Variants in GOLGB1 observed in about 807,000 individuals in gnomAD.
The protein encoded by GOLGB1 is golgin subfamily B member 1.
A neutral mutation model predicts 336.9 loss-of-function variants in GOLGB1; 174 were observed. The observed-to-expected ratio is 0.52, with a 90% CI of 0.46 to 0.59. The LOEUF is 0.59. Among genes scored for constraint, GOLGB1 ranks in the 20% least tolerant of loss-of-function variants. GOLGB1 has a pLI of 0.00. For missense variants in GOLGB1, 3,331 were observed against 3,645.3 expected, an observed-to-expected ratio of 0.91 and a Z score of 2.22; for synonymous variants, 1,208 against 1,289.2, an observed-to-expected ratio of 0.94 and a Z score of 1.35.
chr3:121,669,327 G>A lies in GOLGB1; in HGVS notation c.9206C>T (p.Thr3069Ile), dbSNP rs1322793814. 6.2e-7 allele frequency: 1 copy of A among 1,613,970 alleles called. No homozygotes were observed. Residue 3069 changes from threonine to isoleucine, a missense_variant, in exon 18 of 22, where the codon ACC (threonine) becomes ATC (isoleucine). Coordinates refer to ENST00000614479, the MANE Select transcript of GOLGB1 (RefSeq NM_001366282.2). ...NFSQLLEEKN[T>I]LSIQLCDTSQ... ...GGTATCGCAGAGCTGAATGGAAAGG[G>A]TGTTTTTCTCTTCCAGTAGCTGAGA...
intron 7 of GOLGB1, 122 bp downstream of exon 7, chr3:121,719,524 A>G (rs1945023511): frequency 5.2e-6 from 3 of 573,202 alleles, no homozygotes; most frequent in Non-Finnish European, 8.4e-6. Flanking sequence ...AGGACACAAA[A>G]GAGGCCAATA....
Position 121,695,286 on chromosome 3 carries a change from T to C in GOLGB1, c.5237A>G (p.Lys1746Arg). ...TTTCTCAGACATTAAAGACTGAAAC[T>C]TCTTAGAAAGGGTTTCATACTCCAT... ...VKMEYETLSKKFQSLMSEKDS... is the reference protein window; with the variant it reads ...VKMEYETLSKRFQSLMSEKDS... The change falls in exon 13 of 22, where the codon AAG becomes AGG. Residue 1746 changes from lysine (K) to arginine (R), a missense_variant. By Grantham distance (26) the Lys-to-Arg change is conservative. Transcript: ENST00000614479. The C allele has an allele frequency of 6.2e-7, 1 of 1,613,912 alleles. No homozygotes were observed. Among genetic ancestry groups the C allele is most frequent in the Non-Finnish European group, 8.5e-7 (1 of 1,179,834 alleles).
intron 6 of GOLGB1, among the ~76,000 whole-genome samples, chr3:121,721,328 C>T (rs1406701176): frequency 1.3e-5 from 2 of 151,862 alleles, no homozygotes; most frequent in African/African-American, 4.8e-5. Flanking sequence ...TAAGCATTCC[C>T]CCACCGCTGC....
chr3:121,681,610 T>C, intron 15 of GOLGB1, 77 bp downstream of exon 15: 2 of 1,057,468 alleles, frequency 1.9e-6, no homozygotes, highest in Non-Finnish European at 2.8e-6. Context: ...CTCTGCACTA[T>C]TTTCCCAAAT....
chr3:121,724,730 G>C (rs1471938158), intron 5 of GOLGB1, among the ~76,000 whole-genome samples: 1 of 152,140 alleles, frequency 6.6e-6, no homozygotes, highest in Middle Eastern at 3.2e-3. Context: ...AGCCCTAAAG[G>C]CATTTCAGAA....
chr3:121,706,792 C>T (rs1407856158), intron 10 of GOLGB1, among the ~76,000 whole-genome samples: 1 of 110,814 alleles, frequency 9.0e-6, no homozygotes, highest in Non-Finnish European at 1.9e-5. Context: ...AGAAAGAAGA[C>T]AGTAGAGTAA....
chr3:121,738,788 A>G (rs749180634), intron 1 of GOLGB1, among the ~76,000 whole-genome samples: 2 of 152,332 alleles, frequency 1.3e-5, no homozygotes, highest in Admixed American at 1.3e-4. Context: ...CTAAGGAAAG[A>G]GGAGGTCCAG....
Position 121,722,356 on chromosome 3 carries a change from A to G in GOLGB1, c.554T>C (p.Phe185Ser). 1 of 1,602,306 alleles carries G rather than the reference A, an allele frequency of 6.2e-7. No homozygotes were observed. Among genetic ancestry groups the G allele is most frequent in the Non-Finnish European group, 8.6e-7 (1 of 1,169,232 alleles). ...CTGGAGCTGTTGCTTCATCATTACA[A>G]ATTCTTCCATCTCTGTAGAACTCTT... ...PAQSSTEMEEFVMMKQQLQEK... is the reference protein window; with the variant it reads ...PAQSSTEMEESVMMKQQLQEK... Residue 185 changes from phenylalanine to serine, a missense_variant, in exon 6 of 22, where the codon TTT (phenylalanine) becomes TCT (serine). By Grantham distance (155) the Phe-to-Ser change is radical. Coordinates refer to ENST00000614479, the MANE Select transcript of GOLGB1 (RefSeq NM_001366282.2).
chr3:121,669,324 A>T lies in GOLGB1; in HGVS notation c.9209T>A (p.Leu3070His). 3 of 1,614,042 alleles carry T rather than the reference A, an allele frequency of 1.9e-6. No homozygotes were observed. In the South Asian group the frequency reaches 3.3e-5, roughly 18 times the overall value. The change falls in exon 18 of 22, where the codon CTT (leucine) becomes CAT (histidine). Residue 3070 changes from leucine (L) to histidine (H), a missense_variant. Coordinates refer to ENST00000614479, the MANE Select transcript of GOLGB1 (RefSeq NM_001366282.2). ...FSQLLEEKNT[L>H]SIQLCDTSQS... ...ACTGGTATCGCAGAGCTGAATGGAAAGGGTGTTTTTCTCTTCCAGTAGCTG... is the reference window on the plus strand; with the variant it reads ...ACTGGTATCGCAGAGCTGAATGGAATGGGTGTTTTTCTCTTCCAGTAGCTG...
rs777063540 is a variant in GOLGB1, at chr3:121,694,322, A to T, written c.6201T>A (p.Asn2067Lys). 8.1e-6 allele frequency: 13 copies of T among 1,611,034 alleles called. No homozygotes were observed. Among genetic ancestry groups the T allele is most frequent in the Non-Finnish European group, 1.1e-5 (13 of 1,179,726 alleles). Residue 2067 changes from asparagine (N) to lysine (K), a missense_variant, in exon 13 of 22, where the codon AAT (asparagine) becomes AAA (lysine). Coordinates refer to ENST00000614479, the MANE Select transcript of GOLGB1 (RefSeq NM_001366282.2). Reference protein sequence around the residue: ...SQKDLEITKENLAQAVEHRKK... With the variant: ...SQKDLEITKEKLAQAVEHRKK... ...TGCGGTGTTCAACTGCTTGAGCCAG[A>T]TTTTCTTTGGTTATTTCCAAATCTT...
chr3:121,664,337 C>T lies in GOLGB1; in HGVS notation c.*143G>A. On this transcript the variant is annotated 3_prime_UTR_variant, in exon 22 of 22. Coordinates refer to ENST00000614479, the MANE Select transcript of GOLGB1 (RefSeq NM_001366282.2). The stretch of plus-strand genomic sequence containing the variant: ...CTCCAACCTGTCCTCGTATCCACCT[C>T]TGTTTTTGCAGGCACTTTCCGTGAA... 1 of 750,284 alleles carries T rather than the reference C, an allele frequency of 1.3e-6. No homozygotes were observed. Among genetic ancestry groups the T allele is most frequent in the Non-Finnish European group, 2.3e-6 (1 of 434,094 alleles). 46.5% of individuals were successfully genotyped at this position (750,284 alleles called of 1,614,324 possible).
At chr3:121,671,849 G>A (rs1939577710) in intron 17 of GOLGB1, among the ~76,000 whole-genome samples, 1 of 147,288 alleles carries the variant, frequency 6.8e-6, no homozygotes, top group South Asian at 2.2e-4. Flanking sequence ...CTATCTTCAT[G>A]AGATTCACTT....
At chr3:121,673,092 C>A (rs563900079) in intron 17 of GOLGB1, among the ~76,000 whole-genome samples, 1 of 146,316 alleles carries the variant, frequency 6.8e-6, no homozygotes, top group African/African-American at 2.5e-5. Context: ...TTTTTTGAGA[C>A]GGAGTCTCGC....
At chr3:121,719,575 T>C (rs533358223) in intron 7 of GOLGB1, 71 bp downstream of exon 7, 1 of 1,291,996 alleles carries the variant, frequency 7.7e-7, no homozygotes, top group African/African-American at 1.5e-5. Context: ...TGGGTAAGGG[T>C]AGGAAATTGG....
rs1355772712 is a variant in GOLGB1 at position 121,706,749 on chromosome 3, A to AC, written c.1405-4155_1405-4154insG. Among the ~76,000 whole-genome samples the AC allele has an allele frequency of 6.7e-4, 100 of 149,292 alleles. 1 individual carries two copies. The highest frequency in any genetic ancestry group is 2.4e-3 in the African/African-American group (96 of 40,810). Reference sequence around the variant, plus strand: ...ACTCTGTCTCAAAAAAAAAAAAAAAAAAAAAAAAAACCAACAAAGAAAACA... The same window carrying AC: ...ACTCTGTCTCAAAAAAAAAAAAAAAACAAAAAAAAAACCAACAAAGAAAACA... On this transcript the variant is annotated intron_variant, in intron 10 of 21. Transcript: ENST00000614479.
chr3:121,724,273 C>T (rs1245344110), intron 5 of GOLGB1, among the ~76,000 whole-genome samples: 1 of 152,062 alleles, frequency 6.6e-6, no homozygotes. Context: ...CGGTTGTGAC[C>T]ACAATGCTGA....
rs146312367 is a variant in GOLGB1 at position 121,702,654 on chromosome 3, G to A, written c.1405-59C>T. On this transcript the variant is annotated intron_variant, in intron 10 of 21. Coordinates refer to ENST00000614479, the MANE Select transcript of GOLGB1 (RefSeq NM_001366282.2). ...TCCAGCAGAAAATTCTCACACTAACGCCCAGATAGCCTCCAGCATTTTTGT... is the reference window on the plus strand; with the variant it reads ...TCCAGCAGAAAATTCTCACACTAACACCCAGATAGCCTCCAGCATTTTTGT... 1.0e-3 allele frequency: 684 copies of A among 683,962 alleles called. 6 individuals are homozygous for A. The highest frequency in any genetic ancestry group is 5.8e-3 in the South Asian group (170 of 29,332). The allele number at this position is 683,962 out of a possible 1,614,324, so 42.4% of individuals were successfully genotyped here. A position where few individuals can be genotyped will look rare whatever the true frequency, so the allele number is the denominator to read the frequency against.
Position 121,664,330 on chromosome 3 carries a change from T to A in GOLGB1, c.*150A>T. Reference sequence around the variant, plus strand: ...CCTGCAGCTCCAACCTGTCCTCGTATCCACCTCTGTTTTTGCAGGCACTTT... The same window carrying A: ...CCTGCAGCTCCAACCTGTCCTCGTAACCACCTCTGTTTTTGCAGGCACTTT... On this transcript the variant is annotated 3_prime_UTR_variant, in exon 22 of 22. Transcript: ENST00000614479. 1 of 714,286 alleles carries A rather than the reference T, an allele frequency of 1.4e-6. No individual in the cohort carries two copies. Among genetic ancestry groups the A allele is most frequent in the East Asian group, 2.7e-5 (1 of 37,324 alleles). The allele number at this position is 714,286 out of a possible 1,614,324, so 44.2% of individuals were successfully genotyped here.
intron 10 of GOLGB1, among the ~76,000 whole-genome samples, chr3:121,712,313 A>G (rs1264713074): frequency 2.6e-5 from 4 of 152,204 alleles, no homozygotes; most frequent in African/African-American, 9.7e-5. Context: ...AATTCATTTG[A>G]GATTCAGAGA....
Sources: gnomAD v4.1 joint callset for allele counts (sites outside exome capture counted in the v4.1 genomes callset) on GRCh38, gnomAD v4.1.1 for gene constraint, MANE v1.5 for transcripts, NCBI Gene and HGNC (gene_info 2026-07-23, HGNC 2026-07-21) for gene names.